URAD: variants seen among roughly 807,000 people sequenced by gnomAD.
URAD encodes ureidoimidazoline (2-oxo-4-hydroxy-4-carboxy-5-) decarboxylase.
URAD carries 4 observed loss-of-function variants against 4.6 expected under a neutral mutation model. That is an observed-to-expected ratio of 0.87 (90% confidence interval 0.43 to 1.98). The LOEUF (loss-of-function observed/expected upper bound fraction) is 1.98, where lower values mean the gene tolerates loss of function less well. Ranked by LOEUF, URAD falls within the 30% of genes most tolerant of loss-of-function variation. The probability of loss-of-function intolerance (pLI) is 0.03; values close to 1 mark genes in which losing one functional copy is unlikely to be tolerated. For synonymous variants in URAD, 144 were observed against 118.2 expected (o/e 1.22, Z -1.41); for missense variants, 300 against 255.3 (o/e 1.18, Z -1.19).
chr13:27,978,063 G>C lies in URAD; in HGVS notation c.*43C>G. The C allele has an allele frequency of 7.1e-7, 1 of 1,401,324 alleles. No individual in the cohort carries two copies. The highest frequency in any genetic ancestry group is 9.2e-7 in the Non-Finnish European group (1 of 1,086,058). The allele number at this position is 1,401,324 out of a possible 1,614,324, so 86.8% of individuals were successfully genotyped here. On this transcript the variant is annotated 3_prime_UTR_variant, in exon 2 of 2. Coordinates refer to ENST00000332715, the MANE Select transcript of URAD (RefSeq NM_001105577.2). ...CGCACAGCTCCGGGCCGTGGCCCCC[G>C]CGCGTCCGGTTGTGCGTCCCGGGTC...
Position 27,978,226 on chromosome 13 carries a change from C to T in URAD, c.402G>A (p.Glu134=). 1 of 1,470,000 alleles carries T rather than the reference C, an allele frequency of 6.8e-7. No homozygotes were observed. The highest frequency in any genetic ancestry group is 8.9e-7 in the Non-Finnish European group (1 of 1,120,868). The allele number at this position is 1,470,000 out of a possible 1,614,324, so 91.1% of individuals were successfully genotyped here. The change falls in exon 2 of 2, where the codon GAG becomes GAA. Residue 134 remains glutamate (E), a synonymous_variant. Transcript: ENST00000332715. ...RFSDRTAVPR[E]LARRLLCPSA... is the part of the protein sequence containing the mutation. Reference sequence around the variant, plus strand: ...ACGGGCAGAGCAGCCGGCGCGCCAGCTCGCGCGGCACCGCCGTCCGGTCGC... The same window carrying T: ...ACGGGCAGAGCAGCCGGCGCGCCAGTTCGCGCGGCACCGCCGTCCGGTCGC...
chr13:27,982,245 G>C (rs1366256720), intron 1 of URAD, among the ~76,000 whole-genome samples: 1 of 152,060 alleles, frequency 6.6e-6, no homozygotes, highest in African/African-American at 2.4e-5. Flanking sequence ...CCTGACCAAC[G>C]TGGTGAAACC....
At position 27,978,264 on chromosome 13, in the gene URAD, C is replaced by T. The variant is rs1021043758; in HGVS notation, c.364G>A (p.Ala122Thr). ...GCCGTCCGGTCGCTGAAGCGCGCGG[C>T]GAGCACGAAGGGGAAACCGAAGCGC... ...RARFGFPFVL[A>T]ARFSDRTAVP... Residue 122 changes from alanine (A) to threonine (T), a missense_variant, in exon 2 of 2, where the codon GCC (alanine) becomes ACC (threonine). Coordinates refer to ENST00000332715, the MANE Select transcript of URAD (RefSeq NM_001105577.2). 2.8e-6 allele frequency: 4 copies of T among 1,437,118 alleles called. No individual in the cohort carries two copies. Among genetic ancestry groups the T allele is most frequent in the East Asian group, 3.0e-5 (1 of 33,402 alleles). 89.0% of individuals were successfully genotyped at this position (1,437,118 alleles called of 1,614,324 possible).
intron 1 of URAD, among the ~76,000 whole-genome samples, chr13:27,986,625 C>T (rs542821217): frequency 3.1e-4 from 47 of 152,334 alleles, no homozygotes; most frequent in Non-Finnish European, 5.1e-4. Flanking sequence ...ATTATTCACG[C>T]GATCCTAGCT....
chr13:27,978,882 A>T (rs1181393355), intron 1 of URAD, among the ~76,000 whole-genome samples: 1 of 152,012 alleles, frequency 6.6e-6, no homozygotes, highest in East Asian at 1.9e-4. Flanking sequence ...CTTTGCTCTC[A>T]GGGGGGGCTT....
At chr13:27,983,410 G>T (rs1055435362) in intron 1 of URAD, among the ~76,000 whole-genome samples, 1 of 151,882 alleles carries the variant, frequency 6.6e-6, no homozygotes, top group Non-Finnish European at 1.5e-5. Context: ...TCTATTTTTA[G>T]TAGAGACCGG....
intron 1 of URAD, 121 bp downstream of exon 1, chr13:27,988,342 T>C: frequency 1.0e-6 from 1 of 980,728 alleles, no homozygotes; most frequent in Non-Finnish European, 1.5e-6. Flanking sequence ...TCCTCCCATC[T>C]CAGCCTCCCA....
At chr13:27,984,755 G>C (rs964574334) in intron 1 of URAD, among the ~76,000 whole-genome samples, 36 of 152,294 alleles carry the variant, frequency 2.4e-4, no homozygotes, top group African/African-American at 7.5e-4. Flanking sequence ...GAGGTGGGCG[G>C]ATCACAAGGT....
chr13:27,986,845 C>CT (rs1393709712), intron 1 of URAD, among the ~76,000 whole-genome samples: 3 of 152,186 alleles, frequency 2.0e-5, no homozygotes, highest in Non-Finnish European at 4.4e-5. Context: ...AGGAGTTCAG[C>CT]TGAGAGGCTG....
rs1459159105 is a variant in URAD, at chr13:27,978,057, GC to G, written c.*48del. On this transcript the variant is annotated 3_prime_UTR_variant, in exon 2 of 2. Transcript: ENST00000332715. ...CCAGGACGCACAGCTCCGGGCCGTGGCCCCCGCGCGTCCGGTTGTGCGTCCC... is the reference window on the plus strand; with the variant it reads ...CCAGGACGCACAGCTCCGGGCCGTGGCCCCGCGCGTCCGGTTGTGCGTCCC... 4 of 1,386,758 alleles carry G rather than the reference GC, an allele frequency of 2.9e-6. No homozygotes were observed. Among genetic ancestry groups the G allele is most frequent in the Admixed American group, 3.4e-5 (1 of 29,466 alleles). The allele number at this position is 1,386,758 out of a possible 1,614,324, so 85.9% of individuals were successfully genotyped here.
chr13:27,978,141 C>T lies in URAD; in HGVS notation c.487G>A (p.Ala163Thr), dbSNP rs751381025. The T allele has an allele frequency of 2.6e-5, 40 of 1,530,360 alleles. No individual in the cohort carries two copies. The highest frequency in any genetic ancestry group is 3.0e-5 in the Non-Finnish European group (35 of 1,151,652). The allele number at this position is 1,530,360 out of a possible 1,614,324, so 94.8% of individuals were successfully genotyped here. A position where few individuals can be genotyped will look rare whatever the true frequency, so the allele number is the denominator to read the frequency against. ...GCGGGGTCTGCGCGGAGGAGGTCGG[C>T]CAGGCGCAGGCTGCCGATCTTCTTC... is the stretch of plus-strand genomic sequence containing the variant. The part of the protein sequence containing the change: ...EVKKIGSLRL[A>T]DLLRADPAKL Residue 163 changes from alanine to threonine, a missense_variant, in exon 2 of 2, where the codon GCC becomes ACC. Ala to Thr is a moderately conservative substitution (Grantham distance 58). Transcript: ENST00000332715.
In URAD at chr13:27,978,100, C is replaced by A. The variant is rs200379138; in HGVS notation, c.*6G>T. On this transcript the variant is annotated 3_prime_UTR_variant, in exon 2 of 2. Coordinates refer to ENST00000332715, the MANE Select transcript of URAD (RefSeq NM_001105577.2). ...GTGCGTCCCGGGTCCCTGGCCCGCG[C>A]GGCAGCTACAGCTTGGCGGGGTCTG... The A allele has an allele frequency of 2.0e-5, 30 of 1,484,014 alleles. No individual in the cohort carries two copies. In the Admixed American group the frequency reaches 4.4e-4, roughly 22 times the overall value. 91.9% of individuals were successfully genotyped at this position (1,484,014 alleles called of 1,614,324 possible). A position where few individuals can be genotyped will look rare whatever the true frequency, so the allele number is the denominator to read the frequency against.
intron 1 of URAD, among the ~76,000 whole-genome samples, chr13:27,986,568 A>G (rs1870034219): frequency 6.6e-6 from 1 of 152,190 alleles, no homozygotes; most frequent in East Asian, 1.9e-4. Flanking sequence ...GAAAGCCCCC[A>G]AAACGTGTGT....
Position 27,978,194 on chromosome 13 carries a change from T to G in URAD, c.434A>C (p.Gln145Pro). 6.7e-7 allele frequency: 1 copy of G among 1,503,620 alleles called. No homozygotes were observed. Among genetic ancestry groups the G allele is most frequent in the South Asian group, 1.3e-5 (1 of 79,300 alleles). The allele number at this position is 1,503,620 out of a possible 1,614,324, so 93.1% of individuals were successfully genotyped here. Residue 145 changes from glutamine (Q) to proline (P), a missense_variant, in exon 2 of 2, where the codon CAG (glutamine) becomes CCG (proline). Physicochemically the swap from Gln to Pro is moderately conservative, Grantham distance 76. Coordinates refer to ENST00000332715, the MANE Select transcript of URAD (RefSeq NM_001105577.2). ...CTCGCCCAGAGCAGTGCGCAGCTCC[T>G]GCGCGGACGGGCAGAGCAGCCGGCG... ...LARRLLCPSAQELRTALGEVK... is the reference protein window; with the variant it reads ...LARRLLCPSAPELRTALGEVK...
At chr13:27,978,538 C>G (rs371731708) in intron 1 of URAD, 86 bp from the exon 2 acceptor site, 2 of 1,065,052 alleles carry the variant, frequency 1.9e-6, no homozygotes, top group South Asian at 3.9e-5. Flanking sequence ...AGGCCGCGCC[C>G]GGCCCCCCTG....
intron 1 of URAD, among the ~76,000 whole-genome samples, chr13:27,982,954 A>G (rs953440264): frequency 3.3e-5 from 5 of 152,128 alleles, no homozygotes; most frequent in African/African-American, 9.7e-5. Context: ...ACCACAGTCC[A>G]AGCAACCTCA....
chr13:27,978,569 C>T (rs1869789046), intron 1 of URAD, 117 bp from the exon 2 acceptor site: 1 of 803,174 alleles, frequency 1.2e-6, no homozygotes, highest in Non-Finnish European at 1.7e-6. Context: ...CCCCGCCCGG[C>T]CCCAAAGAAG....
At chr13:27,979,061 A>C (rs1593190049) in intron 1 of URAD, among the ~76,000 whole-genome samples, 1 of 152,130 alleles carries the variant, frequency 6.6e-6, no homozygotes. Context: ...CCTAAGTGTG[A>C]GTTCTGGGTT....
intron 1 of URAD, among the ~76,000 whole-genome samples, chr13:27,981,025 T>TC (rs1179293754): frequency 4.3e-5 from 3 of 70,306 alleles, no homozygotes; most frequent in African/African-American, 3.8e-5. Context: ...TCTCTCTCTC[T>TC]CTCCTCTCTC....
Sources: allele counts gnomAD v4.1 joint callset (sites outside exome capture counted in the v4.1 genomes callset), GRCh38; gene constraint gnomAD v4.1.1; transcripts MANE v1.5; gene names NCBI Gene and HGNC (gene_info 2026-07-23, HGNC 2026-07-21).